BCAP29: variants seen among roughly 807,000 people sequenced by gnomAD.
BCAP29 encodes B cell receptor associated protein 29, also known as B-cell receptor-associated protein 29.
BCAP29 carries 34 observed loss-of-function variants against 31.8 expected under a neutral mutation model. The ratio of observed to expected loss-of-function variants is 1.07; its 90% CI spans 0.81 to 1.42. BCAP29 has a LOEUF of 1.42. Among genes scored for constraint, BCAP29 ranks in the 40% most tolerant of loss-of-function variants. BCAP29 has a pLI of 0.00. For missense variants in BCAP29, 314 were observed against 269.2 expected, an observed-to-expected ratio of 1.17 and a Z score of -1.16; for synonymous variants, 104 against 91.3, an observed-to-expected ratio of 1.14 and a Z score of -0.79.
intron 6 of BCAP29, among the ~76,000 whole-genome samples, chr7:107,604,790 C>T (rs544622349): frequency 6.7e-6 from 1 of 149,288 alleles, no homozygotes; most frequent in Non-Finnish European, 1.5e-5. Context: ...TTCTTTGACA[C>T]CTTTGTCCCT....
rs1814703066 is a variant in BCAP29 at position 107,619,319 on chromosome 7, A to G, written c.*956A>G. The G allele has an allele frequency of 6.6e-6, 1 of 152,526 alleles. No homozygotes were observed. Among genetic ancestry groups the G allele is most frequent in the African/African-American group, 2.4e-5 (1 of 41,438 alleles). 9.4% of individuals were successfully genotyped at this position (152,526 alleles called of 1,614,324 possible). ...TTAAGTACTATTTTTCCATTCAAAT[A>G]TTCATTTAGAATTTCCTTTAGAAGA... On this transcript the variant is annotated 3_prime_UTR_variant, in exon 8 of 8. Coordinates refer to ENST00000005259, the MANE Select transcript of BCAP29 (RefSeq NM_018844.4).
At chr7:107,606,284 G>C (rs1232530678) in intron 6 of BCAP29, among the ~76,000 whole-genome samples, 2 of 152,184 alleles carry the variant, frequency 1.3e-5, no homozygotes, top group Admixed American at 1.3e-4. Flanking sequence ...ATGAGAGACT[G>C]AACTAGTTAA....
At chr7:107,613,586 G>T in intron 7 of BCAP29, 154 bp downstream of exon 7, 1 of 1,460,886 alleles carries the variant, frequency 6.8e-7, no homozygotes, top group South Asian at 1.2e-5. Context: ...TACCTAGAGG[G>T]TAAAGATTAG....
At chr7:107,606,379 C>G (rs185932036) in intron 6 of BCAP29, among the ~76,000 whole-genome samples, 4 of 152,154 alleles carry the variant, frequency 2.6e-5, no homozygotes, top group Admixed American at 2.0e-4. Flanking sequence ...GGCTTTTTGA[C>G]CCTTCAAATT....
intron 5 of BCAP29, 89 bp downstream of exon 5, chr7:107,596,091 T>C (rs1221715773): frequency 8.5e-7 from 1 of 1,172,544 alleles, no homozygotes. Flanking sequence ...AGCATTTTTA[T>C]ATTTTATAAG....
intron 3 of BCAP29, among the ~76,000 whole-genome samples, chr7:107,585,846 C>T (rs1210663702): frequency 6.6e-6 from 1 of 152,070 alleles, no homozygotes; most frequent in Non-Finnish European, 1.5e-5. Context: ...CAAAAATTAG[C>T]CGGGCATGGG....
chr7:107,611,699 C>G (rs1322871427), intron 6 of BCAP29, among the ~76,000 whole-genome samples: 1 of 152,184 alleles, frequency 6.6e-6, no homozygotes, highest in East Asian at 1.9e-4. Flanking sequence ...AAAGTGTCTT[C>G]CATACCTGAC....
chr7:107,590,565 C>T (rs1370757812), intron 3 of BCAP29, among the ~76,000 whole-genome samples: 1 of 152,040 alleles, frequency 6.6e-6, no homozygotes, highest in African/African-American at 2.4e-5. Context: ...CTCCTGTAAT[C>T]CCACCACTTT....
At chr7:107,599,103 T>C (rs563889008) in intron 5 of BCAP29, among the ~76,000 whole-genome samples, 1,354 of 132,730 alleles carry the variant, frequency 0.01, 29 homozygotes, top group African/African-American at 0.036. Context: ...TATATAAATA[T>C]ATATTTATAA....
intron 6 of BCAP29, among the ~76,000 whole-genome samples, chr7:107,602,880 A>G (rs567441718): frequency 5.8e-4 from 88 of 151,826 alleles, no homozygotes; most frequent in African/African-American, 2.1e-3. Flanking sequence ...TAGTGGAAAA[A>G]CCTTCTGATG....
intron 5 of BCAP29, among the ~76,000 whole-genome samples, chr7:107,599,312 T>C (rs1810677559): frequency 9.8e-6 from 1 of 101,778 alleles, no homozygotes; most frequent in African/African-American, 5.9e-5. Flanking sequence ...ATAAATTTTA[T>C]ATATATATAT....
At position 107,596,052 on chromosome 7, in the gene BCAP29, G is replaced by C. The variant is rs1585111064; in HGVS notation, c.480+50G>C. On this transcript the variant is annotated intron_variant, in intron 5 of 7. Transcript: ENST00000005259. ...TAAATGTTGTTGGTGTTCCCGAGGAGTAATGTATTTGTTTTCAGCATCAAA... is the reference window on the plus strand; with the variant it reads ...TAAATGTTGTTGGTGTTCCCGAGGACTAATGTATTTGTTTTCAGCATCAAA... 4 of 1,463,654 alleles carry C rather than the reference G, an allele frequency of 2.7e-6. No homozygotes were observed. The East Asian group carries it at 7.3e-5, about 27-fold the overall frequency. 90.7% of individuals were successfully genotyped at this position (1,463,654 alleles called of 1,614,324 possible).
chr7:107,595,108 C>CT (rs1809581333), intron 4 of BCAP29, among the ~76,000 whole-genome samples: 1 of 152,168 alleles, frequency 6.6e-6, no homozygotes, highest in Non-Finnish European at 1.5e-5. Flanking sequence ...ACACTCTTTT[C>CT]TTTCCTCATT....
intron 5 of BCAP29, among the ~76,000 whole-genome samples, 166 bp downstream of exon 5, chr7:107,596,168 T>C (rs1809782935): frequency 6.6e-6 from 1 of 152,230 alleles, no homozygotes; most frequent in African/African-American, 2.4e-5. Context: ...TACTGTTCTT[T>C]AGAAATGCTT....
chr7:107,597,644 G>T (rs530627703), intron 5 of BCAP29, among the ~76,000 whole-genome samples: 1 of 152,276 alleles, frequency 6.6e-6, no homozygotes, highest in African/African-American at 2.4e-5. Context: ...ATGAGGAAAT[G>T]GAGGCATAGA....
chr7:107,598,929 A>ACG (rs1335056339), intron 5 of BCAP29, among the ~76,000 whole-genome samples: 1 of 143,220 alleles, frequency 7.0e-6, no homozygotes, highest in Admixed American at 7.2e-5. Context: ...ACACACACAC[A>ACG]CACGCACGCA....
chr7:107,604,685 GT>G (rs56875105), intron 6 of BCAP29, among the ~76,000 whole-genome samples: 8,627 of 147,178 alleles, frequency 0.059, 809 homozygotes, highest in African/African-American at 0.2. Flanking sequence ...TGTTGTTGTT[GT>G]TTTTTTTTTT....
chr7:107,618,415 T>C lies in BCAP29; in HGVS notation c.*52T>C. 1.9e-6 allele frequency: 3 copies of C among 1,612,698 alleles called. No homozygotes were observed. Among genetic ancestry groups the C allele is most frequent in the South Asian group, 1.1e-5 (1 of 91,020 alleles). On this transcript the variant is annotated 3_prime_UTR_variant, in exon 8 of 8. Coordinates refer to ENST00000005259, the MANE Select transcript of BCAP29 (RefSeq NM_018844.4). ...CTGTGTCAAAATGATAATTTTGTTA[T>C]GTTAGCCTCTAGAAAATTTAAGTTC... is the stretch of plus-strand genomic sequence containing the variant.
intron 7 of BCAP29, chr7:107,613,636 T>C: frequency 6.2e-7 from 1 of 1,600,208 alleles, no homozygotes; most frequent in Non-Finnish European, 8.6e-7. Flanking sequence ...AAGGAATTGC[T>C]GACTTGCATA....
Sources: gnomAD v4.1 joint callset for allele counts (sites outside exome capture counted in the v4.1 genomes callset) on GRCh38, gnomAD v4.1.1 for gene constraint, MANE v1.5 for transcripts, NCBI Gene and HGNC (gene_info 2026-07-23, HGNC 2026-07-21) for gene names.